DISP1: variants seen among roughly 807,000 people sequenced by gnomAD.
DISP1 encodes protein dispatched homolog 1.
Under a neutral mutation model 37.3 loss-of-function variants are expected in DISP1, and 30 were observed. The ratio of observed to expected loss-of-function variants is 0.80; its 90% CI spans 0.60 to 1.09. The LOEUF (loss-of-function observed/expected upper bound fraction) is 1.09, where lower values mean the gene tolerates loss of function less well. Ranked by LOEUF, DISP1 falls within the 50% of genes least tolerant of loss-of-function variation. The pLI is 0.00. For missense variants in DISP1, 1,598 were observed against 1,879.5 expected, an observed-to-expected ratio of 0.85 and a Z score of 2.77; for synonymous variants, 634 against 690.2, an observed-to-expected ratio of 0.92 and a Z score of 1.28.
intron 1 of DISP1, among the ~76,000 whole-genome samples, chr1:222,867,810 G>C (rs1669282791): frequency 6.6e-6 from 1 of 152,106 alleles, no homozygotes; most frequent in African/African-American, 2.4e-5. Flanking sequence ...ATTTATATAG[G>C]CAATGATCTA....
At chr1:222,956,643 C>T (rs1675618487) in intron 3 of DISP1, among the ~76,000 whole-genome samples, 1 of 151,610 alleles carries the variant, frequency 6.6e-6, no homozygotes, top group African/African-American at 2.4e-5. Flanking sequence ...TTTTTTTTAA[C>T]CTCTTTACCC....
At chr1:222,974,067 G>A (rs1393293255) in intron 3 of DISP1, among the ~76,000 whole-genome samples, 1 of 152,184 alleles carries the variant, frequency 6.6e-6, no homozygotes, top group Non-Finnish European at 1.5e-5. Flanking sequence ...ATCTTGTTAA[G>A]TAAATCATAA....
chr1:222,854,873 G>A (rs897972533), intron 1 of DISP1, among the ~76,000 whole-genome samples: 8 of 151,942 alleles, frequency 5.3e-5, no homozygotes, highest in Non-Finnish European at 1.0e-4. Flanking sequence ...GGGAATAGGA[G>A]GATGGCTTCT....
chr1:223,005,077 T>C lies in DISP1; in HGVS notation c.3680T>C (p.Leu1227Ser), dbSNP rs1240017866. The change falls in exon 9 of 9, where the codon TTA (leucine) becomes TCA (serine). Residue 1227 changes from leucine to serine, a missense_variant. Leu to Ser is a moderately radical substitution (Grantham distance 145). Transcript: ENST00000675850. ...TTTTTCAACAGCCAAGCAAAGAATT[T>C]AGGGATGCCTGTGCATGCAGCTTAC... ...SEFFNSQAKN[L>S]GMPVHAAYNS... 1 of 1,614,174 alleles carries C rather than the reference T, an allele frequency of 6.2e-7. No homozygotes were observed. Among genetic ancestry groups the C allele is most frequent in the Admixed American group, 1.7e-5 (1 of 60,022 alleles).
chr1:222,847,042 C>G (rs1667953712), intron 1 of DISP1, among the ~76,000 whole-genome samples: 1 of 152,152 alleles, frequency 6.6e-6, no homozygotes. Context: ...GTTTCCAATA[C>G]AACTTGACCA....
chr1:222,959,168 C>T (rs1327758513), intron 3 of DISP1, among the ~76,000 whole-genome samples: 1 of 152,092 alleles, frequency 6.6e-6, no homozygotes, highest in Non-Finnish European at 1.5e-5. Context: ...AAAATTATGA[C>T]ATGGAACTTG....
chr1:222,909,885 G>T (rs959708758), intron 1 of DISP1, among the ~76,000 whole-genome samples: 1 of 152,112 alleles, frequency 6.6e-6, no homozygotes, highest in African/African-American at 2.4e-5. Flanking sequence ...CCTTCCCCCT[G>T]CCTGATTTCC....
At chr1:222,891,574 C>CAA (rs996183954) in intron 1 of DISP1, among the ~76,000 whole-genome samples, 6 of 150,716 alleles carry the variant, frequency 4.0e-5, no homozygotes, top group African/African-American at 1.5e-4. Context: ...AAAAAGCCAA[C>CAA]AAAAAAAACA....
intron 1 of DISP1, among the ~76,000 whole-genome samples, chr1:222,885,279 T>G (rs1670526291): frequency 6.6e-6 from 1 of 152,160 alleles, no homozygotes; most frequent in Non-Finnish European, 1.5e-5. Context: ...AATCCAATAC[T>G]GTTATTAATT....
chr1:222,921,602 G>A (rs1672811516), intron 1 of DISP1, among the ~76,000 whole-genome samples: 1 of 152,162 alleles, frequency 6.6e-6, no homozygotes. Flanking sequence ...GCTGAGAATA[G>A]TGTAACATAT....
intron 3 of DISP1, among the ~76,000 whole-genome samples, chr1:222,954,199 A>G (rs1006949077): frequency 2.0e-5 from 3 of 152,074 alleles, no homozygotes; most frequent in African/African-American, 4.8e-5. Context: ...CTTGTGATCT[A>G]TTGCATCTTC....
intron 1 of DISP1, among the ~76,000 whole-genome samples, chr1:222,832,670 G>A (rs186917307): frequency 3.1e-4 from 47 of 152,248 alleles, no homozygotes; most frequent in Non-Finnish European, 5.3e-4. Flanking sequence ...CAAGGTGGGC[G>A]GATCACCTGA....
At chr1:222,874,164 C>T (rs1669793542) in intron 1 of DISP1, among the ~76,000 whole-genome samples, 1 of 152,194 alleles carries the variant, frequency 6.6e-6, no homozygotes, top group Non-Finnish European at 1.5e-5. Context: ...TGATGGGCTT[C>T]CCTTTGTGGG....
intron 1 of DISP1, among the ~76,000 whole-genome samples, chr1:222,885,469 C>CTTTTT (rs759594613): frequency 5.3e-5 from 7 of 132,862 alleles, no homozygotes; most frequent in Non-Finnish European, 3.3e-5. Context: ...GATTTCTTTT[C>CTTTTT]TTTTTTTTTT....
At chr1:222,995,100 G>A (rs1678965002) in intron 8 of DISP1, 118 bp downstream of exon 8, 1 of 820,510 alleles carries the variant, frequency 1.2e-6, no homozygotes, top group African/African-American at 1.7e-5. Context: ...CTTACCTACT[G>A]AGGAGTAAAC....
At chr1:222,972,793 G>A (rs573951214) in intron 3 of DISP1, among the ~76,000 whole-genome samples, 24 of 152,164 alleles carry the variant, frequency 1.6e-4, no homozygotes, top group African/African-American at 5.8e-4. Context: ...ATTACTTTCA[G>A]TGTATTGTTC....
intron 1 of DISP1, among the ~76,000 whole-genome samples, chr1:222,870,288 C>A (rs896944454): frequency 1.1e-4 from 16 of 152,288 alleles, no homozygotes; most frequent in Admixed American, 8.5e-4. Flanking sequence ...GATTTATAAT[C>A]CTTTGGGTGT....
Position 222,823,141 on chromosome 1 carries a change from G to T in DISP1, c.-159+8063G>T, listed in dbSNP as rs78760909. ...ATGGAGATTTCTCAGAGAACAAACA[G>T]TAGAACTACCATTTGATTCAGCAAT... is the stretch of plus-strand genomic sequence containing the variant. On this transcript the variant is annotated intron_variant, in intron 1 of 8. Coordinates refer to ENST00000675850, the MANE Select transcript of DISP1 (RefSeq NM_001377229.1). 4.6e-3 allele frequency among the ~76,000 whole-genome samples: 699 copies of T among 152,274 alleles called. 7 individuals carry two copies. Among genetic ancestry groups the T allele is most frequent in the African/African-American group, 0.016 (678 of 41,560 alleles).
At chr1:222,936,541 C>CTCTA (rs1409954961) in intron 2 of DISP1, among the ~76,000 whole-genome samples, 9 of 129,070 alleles carry the variant, frequency 7.0e-5, no homozygotes, top group African/African-American at 2.4e-4. Flanking sequence ...CTCTCTCTCT[C>CTCTA]TATATATATA....
Sources: allele counts gnomAD v4.1 joint callset (sites outside exome capture counted in the v4.1 genomes callset), GRCh38; gene constraint gnomAD v4.1.1; transcripts MANE v1.5; gene names NCBI Gene and HGNC (gene_info 2026-07-23, HGNC 2026-07-21).